Variants in C14orf39 observed in about 807,000 individuals in gnomAD.
C14orf39 encodes protein SIX6OS1.
C14orf39 carries 66 observed loss-of-function variants against 85.6 expected under a neutral mutation model. The observed-to-expected ratio is 0.77, with a 90% confidence interval of 0.63 to 0.95. The LOEUF (loss-of-function observed/expected upper bound fraction) is 0.95, where lower values mean the gene tolerates loss of function less well. Among genes scored for constraint, C14orf39 ranks in the 40% least tolerant of loss-of-function variants. C14orf39 has a pLI of 0.00. For synonymous variants in C14orf39, 242 were observed against 214.0 expected, an observed-to-expected ratio of 1.13 and a Z score of -1.14; for missense variants, 735 against 663.9, an observed-to-expected ratio of 1.11 and a Z score of -1.18.
In C14orf39 at chr14:60,471,626, T is replaced by C. The variant is rs772225742; in HGVS notation, c.437A>G (p.Glu146Gly). ...REYYEKKREH[E>G]EIQSRVLACT... ...TGCCAACACTCTGCTTTGAATTTCT[T>C]CATGTTCTCTTTTCTTCTCATAATA... Residue 146 changes from glutamate to glycine, a missense_variant, in exon 6 of 18, where the codon GAA becomes GGA. Transcript: ENST00000321731. The C allele has an allele frequency of 1.9e-6, 3 of 1,611,360 alleles. No homozygotes were observed. The highest frequency in any genetic ancestry group is 8.5e-7 in the Non-Finnish European group (1 of 1,178,550).
chr14:60,438,133 T>A (rs1004423643), intron 17 of C14orf39, among the ~76,000 whole-genome samples: 2 of 151,992 alleles, frequency 1.3e-5, no homozygotes, highest in African/African-American at 4.8e-5. Flanking sequence ...CTTTGAATGT[T>A]TCATAAATTT....
chr14:60,469,692 T>C (rs1366008712), intron 7 of C14orf39, 39 bp from the exon 8 acceptor site: 1 of 863,296 alleles, frequency 1.2e-6, no homozygotes, highest in East Asian at 3.1e-5. Flanking sequence ...AAGTAAATTT[T>C]ATATTTATAA....
chr14:60,490,032 C>T (rs566444468), upstream of C14orf39, among the ~76,000 whole-genome samples: 13 of 152,254 alleles, frequency 8.5e-5, no homozygotes, highest in African/African-American at 2.9e-4. Context: ...CTTAAAACAC[C>T]GCAGTAGCTG....
At chr14:60,467,128 TATA>T in intron 9 of C14orf39, 84 bp from the exon 10 acceptor site, 1 of 630,794 alleles carries the variant, frequency 1.6e-6, no homozygotes. Flanking sequence ...TTAGATACTA[TATA>T]ATAAAACCCC....
At chr14:60,480,364 G>A (rs1358480604) in intron 4 of C14orf39, among the ~76,000 whole-genome samples, 1 of 152,152 alleles carries the variant, frequency 6.6e-6, no homozygotes. Context: ...GGAGGGAGGA[G>A]GTCGCAGTGA....
chr14:60,473,976 T>C (rs1469199373), intron 5 of C14orf39, among the ~76,000 whole-genome samples: 1 of 152,200 alleles, frequency 6.6e-6, no homozygotes, highest in Non-Finnish European at 1.5e-5. Flanking sequence ...TGGCATTGAA[T>C]CTATAAATTA....
chr14:60,480,112 G>A (rs956492928), intron 4 of C14orf39, among the ~76,000 whole-genome samples: 1 of 152,098 alleles, frequency 6.6e-6, no homozygotes, highest in African/African-American at 2.4e-5. Context: ...ACTCCTGTTA[G>A]AATGGCTGTT....
At chr14:60,510,316 C>A (rs895781814) in intron 1 of C14orf39, among the ~76,000 whole-genome samples, 5 of 152,234 alleles carry the variant, frequency 3.3e-5, no homozygotes, top group Admixed American at 3.3e-4. Context: ...TCAGCCTGGG[C>A]ACAGGCTCCT....
At chr14:60,510,623 T>C (rs1468500161) in intron 1 of C14orf39, among the ~76,000 whole-genome samples, 2 of 152,246 alleles carry the variant, frequency 1.3e-5, no homozygotes, top group South Asian at 4.1e-4. Context: ...ACAATCCTTT[T>C]TGCCTTTAGG....
intron 1 of C14orf39, chr14:60,509,364 G>C: frequency 6.3e-7 from 1 of 1,582,960 alleles, no homozygotes; most frequent in Non-Finnish European, 8.6e-7. Context: ...TCCCGCTCCG[G>C]GCTCAGTGCC....
intron 4 of C14orf39, among the ~76,000 whole-genome samples, chr14:60,479,411 G>A (rs1386836384): frequency 6.6e-6 from 1 of 152,116 alleles, no homozygotes; most frequent in African/African-American, 2.4e-5. Context: ...TAGTAGAGGG[G>A]GAAGAGGTGA....
chr14:60,468,426 T>C lies in C14orf39; in HGVS notation c.767+19A>G. 2 of 1,449,020 alleles carry C rather than the reference T, an allele frequency of 1.4e-6. No individual in the cohort carries two copies. Among genetic ancestry groups the C allele is most frequent in the Non-Finnish European group, 1.9e-6 (2 of 1,060,754 alleles). 89.8% of individuals were successfully genotyped at this position (1,449,020 alleles called of 1,614,324 possible). On this transcript the variant is annotated intron_variant, in intron 9 of 17. Coordinates refer to ENST00000321731, the MANE Select transcript of C14orf39 (RefSeq NM_174978.3). The stretch of plus-strand genomic sequence containing the variant: ...AAATATCTGTTCACATAAAATTTAA[T>C]TTTAAAGGTTACCTATACCTTTCTT...
chr14:60,495,991 G>C (rs776766988), intron 2 of C14orf39: 1 of 493,500 alleles, frequency 2.0e-6, no homozygotes, highest in Non-Finnish European at 4.0e-6. Context: ...AGGACGAAGG[G>C]TATCAGTCCC....
At chr14:60,496,166 C>T (rs1396466271) in intron 2 of C14orf39, 1 of 469,234 alleles carries the variant, frequency 2.1e-6, no homozygotes, top group African/African-American at 2.0e-5. Flanking sequence ...GAGTATCACA[C>T]TCCTCCCCTG....
chr14:60,452,608 CAAAAT>C (rs1891088952), intron 16 of C14orf39, among the ~76,000 whole-genome samples: 1 of 151,302 alleles, frequency 6.6e-6, no homozygotes, highest in African/African-American at 2.4e-5. Flanking sequence ...TGACTATAGT[CAAAAT>C]AATTTAATTG....
At chr14:60,444,204 G>A (rs538672512) in intron 16 of C14orf39, among the ~76,000 whole-genome samples, 24 of 152,276 alleles carry the variant, frequency 1.6e-4, no homozygotes, top group African/African-American at 5.5e-4. Context: ...TGACTTTGAC[G>A]AGTTGATGGA....
chr14:60,457,996 A>C (rs1407680435), intron 14 of C14orf39, among the ~76,000 whole-genome samples: 2 of 151,968 alleles, frequency 1.3e-5, no homozygotes, highest in Non-Finnish European at 2.9e-5. Flanking sequence ...AAAAAAATTT[A>C]TTGATGCATA....
Position 60,484,887 on chromosome 14 carries a change from T to G in C14orf39, c.100A>C (p.Ile34Leu). The G allele has an allele frequency of 6.4e-7, 1 of 1,562,154 alleles. No homozygotes were observed. Among genetic ancestry groups the G allele is most frequent in the South Asian group, 1.2e-5 (1 of 85,518 alleles). Residue 34 changes from isoleucine (I) to leucine (L), a missense_variant, in exon 3 of 18, where the codon ATT becomes CTT. Transcript: ENST00000321731. The surrounding 1 kb of genome is among the most constrained non-coding windows in gnomAD (Gnocchi z 4.2). The part of the protein sequence containing the change: ...ISTKEEMIQR[I>L]NKCCEDIKEN... ...ATCATGCAAAGCTACTTACTATTAA[T>G]TCTTTGAATCATCTCTTCTTTAGTA... is the stretch of plus-strand genomic sequence containing the variant.
At chr14:60,469,751 T>C in intron 7 of C14orf39, 98 bp from the exon 8 acceptor site, 1 of 571,050 alleles carries the variant, frequency 1.8e-6, no homozygotes, top group South Asian at 6.6e-5. Flanking sequence ...ATCATTTATA[T>C]GTATGTTTCA....
Sources: gnomAD v4.1 joint callset for allele counts (sites outside exome capture counted in the v4.1 genomes callset) on GRCh38, gnomAD v4.1.1 for gene constraint, Gnocchi (gnomAD v3.1) non-coding constraint, MANE v1.5 for transcripts, NCBI Gene and HGNC (gene_info 2026-07-23, HGNC 2026-07-21) for gene names.